The following MED13 variants were observed in gnomAD, a reference collection of about 807,000 sequenced individuals.
MED13 encodes mediator of RNA polymerase II transcription subunit 13.
MED13 carries 23 observed loss-of-function variants against 225.2 expected under a neutral mutation model. That is an observed-to-expected ratio of 0.10 (90% confidence interval 0.07 to 0.14). The LOEUF is 0.14. Ranked by LOEUF, MED13 falls within the 10% of genes least tolerant of loss-of-function variation. The probability of loss-of-function intolerance (pLI) is 1.00; values close to 1 mark genes in which losing one functional copy is unlikely to be tolerated. For synonymous variants in MED13, 942 were observed against 889.2 expected, an observed-to-expected ratio of 1.06 and a Z score of -1.06; for missense variants, 2,197 against 2,594.5, an observed-to-expected ratio of 0.85 and a Z score of 3.33.
rs1214097339 is a variant in MED13, at chr17:61,993,196, CTTTCTTTTTTTTTT to C, written c.2182-589_2182-576del. 1.5e-4 allele frequency among the ~76,000 whole-genome samples: 19 copies of C among 127,424 alleles called. 1 individual carries two copies. Among genetic ancestry groups the C allele is most frequent in the Admixed American group, 3.9e-4 (5 of 12,852 alleles). 83.6% of individuals were successfully genotyped at this position (127,424 alleles called of 152,430 possible). A position where few individuals can be genotyped will look rare whatever the true frequency, so the allele number is the denominator to read the frequency against. ...CAAAGTCCATGTTCTTTCTTTCTTT[CTTTCTTTTTTTTTT>C]TTTTTTTTTGAGACAGAGTCTCACT... On this transcript the variant is annotated intron_variant, in intron 10 of 29. Coordinates refer to ENST00000397786, the MANE Select transcript of MED13 (RefSeq NM_005121.3).
In MED13 at chr17:61,955,356, C is replaced by CT. The variant is rs754067153; in HGVS notation, c.5968+25dup. 8.1e-6 allele frequency: 12 copies of CT among 1,479,648 alleles called. No individual in the cohort carries two copies. The Admixed American group carries it at 1.7e-4, about 21-fold the overall frequency. 91.7% of individuals were successfully genotyped at this position (1,479,648 alleles called of 1,614,324 possible). A position where few individuals can be genotyped will look rare whatever the true frequency, so the allele number is the denominator to read the frequency against. On this transcript the variant is annotated intron_variant, in intron 26 of 29. Coordinates refer to ENST00000397786, the MANE Select transcript of MED13 (RefSeq NM_005121.3). ...TTTATTTTGGGGGGTATTCTTCAGA[C>CT]TACCAAAATGGAACAAATTACGTAC...
In MED13 at chr17:61,982,464, T is replaced by G; in HGVS notation, c.3539A>C (p.Glu1180Ala). The stretch of plus-strand genomic sequence containing the variant: ...CAAATCATCAGATAATTTTTCAGAT[T>G]CCTTTAGTCCTCCATTAACATGTTC... ...SAEHVNGGLK[E>A]SEKLSDDLIL... The change falls in exon 16 of 30, where the codon GAA becomes GCA. Residue 1180 changes from glutamate (E) to alanine (A), a missense_variant. Transcript: ENST00000397786. 1.2e-6 allele frequency: 2 copies of G among 1,614,218 alleles called. No individual in the cohort carries two copies. The highest frequency in any genetic ancestry group is 1.1e-5 in the South Asian group (1 of 91,084).
chr17:61,996,011 C>T (rs372121374), intron 9 of MED13, among the ~76,000 whole-genome samples: 1 of 152,180 alleles, frequency 6.6e-6, no homozygotes, highest in African/African-American at 2.4e-5. Context: ...AACACAGCAA[C>T]TAAGAAATTG....
chr17:61,963,041 C>T (rs1459452588), intron 20 of MED13, 70 bp from the exon 21 acceptor site: 2 of 1,251,066 alleles, frequency 1.6e-6, no homozygotes, highest in East Asian at 2.4e-5. Flanking sequence ...TAAGCAGGTT[C>T]TTAATATCCC....
Position 61,953,034 on chromosome 17 carries a change from A to G in MED13, c.6048T>C (p.Pro2016=). 6.2e-7 allele frequency: 1 copy of G among 1,614,018 alleles called. No individual in the cohort carries two copies. The highest frequency in any genetic ancestry group is 8.5e-7 in the Non-Finnish European group (1 of 1,179,852). Residue 2016 remains proline (P), a synonymous_variant, in exon 27 of 30, where the codon CCT becomes CCC. Coordinates refer to ENST00000397786, the MANE Select transcript of MED13 (RefSeq NM_005121.3). Reference sequence around the variant, plus strand: ...GTACAGGAGAACCAGTTGGAGAAGCAGGAAGGATATTAATGATATCAGGGT... The same window carrying G: ...GTACAGGAGAACCAGTTGGAGAAGCGGGAAGGATATTAATGATATCAGGGT... The part of the protein sequence containing the change: ...DLDPDIINIL[P]ASPTGSPVHS...
At chr17:61,958,906 T>C (rs545260541) in intron 23 of MED13, among the ~76,000 whole-genome samples, 137 of 152,292 alleles carry the variant, frequency 9.0e-4, no homozygotes, top group African/African-American at 3.1e-3. Context: ...TACAGATAAG[T>C]AAGCTGTATC....
chr17:62,004,797 A>G (rs754117256), intron 9 of MED13: 15 of 152,212 alleles, frequency 9.9e-5, no homozygotes, highest in South Asian at 2.1e-4. Flanking sequence ...CAAGGAGACT[A>G]GTAATCTCAG....
chr17:62,004,217 A>AG (rs1205306301), intron 9 of MED13: 1 of 152,228 alleles, frequency 6.6e-6, no homozygotes, highest in East Asian at 1.9e-4. Context: ...AATTGTTCTA[A>AG]GGGGGTGTGT....
chr17:62,011,014 A>G lies in MED13; in HGVS notation c.1503T>C (p.Ala501=). 1.9e-6 allele frequency: 3 copies of G among 1,614,116 alleles called. No homozygotes were observed. The highest frequency in any genetic ancestry group is 8.5e-7 in the Non-Finnish European group (1 of 1,179,972). Residue 501 remains alanine, a synonymous_variant, in exon 9 of 30, where the codon GCT becomes GCC. Coordinates refer to ENST00000397786, the MANE Select transcript of MED13 (RefSeq NM_005121.3). The part of the protein sequence containing the change: ...DSASQRLVIS[A]PDSQVRFSNI... ...TTGAAAATCTCACTTGACTGTCTGG[A>G]GCAGAGATCACAAGTCTTTGGCTGG...
chr17:62,015,911 T>TACACACAC (rs1181563177), intron 8 of MED13, among the ~76,000 whole-genome samples: 41 of 33,804 alleles, frequency 1.2e-3, no homozygotes, highest in African/African-American at 5.0e-3. Flanking sequence ...ATACACACTA[T>TACACACAC]ACACATATAT....
intron 16 of MED13, 150 bp from the exon 17 acceptor site, chr17:61,973,038 T>G (rs1460053509): frequency 1.2e-5 from 6 of 520,558 alleles, no homozygotes; most frequent in Non-Finnish European, 1.9e-5. Context: ...TTGCATTAAG[T>G]TCTACAAGAT....
intron 10 of MED13, among the ~76,000 whole-genome samples, chr17:61,993,788 G>A (rs879310292): frequency 2.2e-4 from 34 of 151,664 alleles, no homozygotes; most frequent in Admixed American, 9.9e-4. Flanking sequence ...AAAATTAGCC[G>A]AGCGTAGTGG....
chr17:62,063,363 A>C, intron 1 of MED13, 62 bp from the exon 2 acceptor site: 1 of 1,033,316 alleles, frequency 9.7e-7, no homozygotes, highest in Admixed American at 2.1e-5. Context: ...AAAGTACTCA[A>C]TATGATGTCT....
At position 61,965,456 on chromosome 17, in the gene MED13, G is replaced by C. The variant is rs752375868; in HGVS notation, c.4394C>G (p.Ala1465Gly). Residue 1465 changes from alanine (A) to glycine (G), a missense_variant, in exon 20 of 30, where the codon GCT becomes GGT. By Grantham distance (60) the Ala-to-Gly change is moderately conservative. Around this residue, in one of 12 missense-constraint regions of MED13, gnomAD observed 457 missense variants for 442.2 expected, o/e 1.03. Transcript: ENST00000397786. ...TAGAGAGCTGTCCAATGGCAGGGAA[G>C]CAAGATAAGGACCTAAAGAATAAAA... ...VCRYDLGPYL[A>G]SLPLDSSLLS... 69 of 1,612,880 alleles carry C rather than the reference G, an allele frequency of 4.3e-5. No individual in the cohort carries two copies. Among genetic ancestry groups the C allele is most frequent in the Non-Finnish European group, 5.4e-5 (64 of 1,179,332 alleles).
At chr17:61,969,142 G>C (rs954866186) in intron 17 of MED13, among the ~76,000 whole-genome samples, 1 of 152,150 alleles carries the variant, frequency 6.6e-6, no homozygotes, top group Non-Finnish European at 1.5e-5. Context: ...GATCACCTGA[G>C]GCTGGGAGTT....
chr17:62,010,488 T>TTAA, intron 9 of MED13, 62 bp downstream of exon 9: 1 of 1,094,332 alleles, frequency 9.1e-7, no homozygotes, highest in African/African-American at 1.6e-5. Context: ...AGTCCTAGTA[T>TTAA]TAAGAACTTG....
intron 3 of MED13, among the ~76,000 whole-genome samples, chr17:62,037,327 C>A (rs1369018027): frequency 1.3e-5 from 2 of 151,654 alleles, no homozygotes; most frequent in East Asian, 3.9e-4. Flanking sequence ...AATAATATAA[C>A]TAAAACAAAA....
At chr17:62,025,730 T>C (rs988472235) in intron 8 of MED13, among the ~76,000 whole-genome samples, 8 of 152,240 alleles carry the variant, frequency 5.3e-5, no homozygotes, top group African/African-American at 1.9e-4. Flanking sequence ...ATATGGCGAA[T>C]TCATCACTGT....
chr17:62,000,465 T>C (rs2080384715), intron 9 of MED13, among the ~76,000 whole-genome samples: 1 of 152,244 alleles, frequency 6.6e-6, no homozygotes, highest in South Asian at 2.1e-4. Flanking sequence ...TCACATTACA[T>C]GTACATAGCT....
Sources: gnomAD v4.1 joint callset for allele counts (sites outside exome capture counted in the v4.1 genomes callset) on GRCh38, gnomAD v4.1.1 for gene constraint, gnomAD v4.1.1 regional missense constraint, MANE v1.5 for transcripts, NCBI Gene and HGNC (gene_info 2026-07-23, HGNC 2026-07-21) for gene names.